The following PCM1 variants were observed in gnomAD, a reference collection of about 807,000 sequenced individuals.
PCM1 encodes pericentriolar material 1 protein.
A neutral mutation model predicts 241.9 loss-of-function variants in PCM1; 157 were observed. The observed-to-expected ratio is 0.65, with a 90% CI of 0.57 to 0.74. The LOEUF is 0.74. Among genes scored for constraint, PCM1 ranks in the 30% least tolerant of loss-of-function variants. PCM1 has a pLI of 0.00. For missense variants in PCM1, 3,478 were observed against 2,360.1 expected (o/e 1.47, Z -9.81); for synonymous variants, 1,085 against 784.9 (o/e 1.38, Z -6.39).
intron 6 of PCM1, among the ~76,000 whole-genome samples, chr8:17,941,420 C>T (rs972478661): frequency 2.0e-5 from 3 of 151,816 alleles, no homozygotes; most frequent in Non-Finnish European, 4.4e-5. Flanking sequence ...ATGGTAATTC[C>T]GCAGGATGTG....
chr8:17,926,230 C>G (rs190779060), intron 2 of PCM1: 21 of 152,178 alleles, frequency 1.4e-4, no homozygotes, highest in African/African-American at 5.1e-4. Context: ...ATTGAGTTAA[C>G]TTAAATTGGA....
Position 17,937,154 on chromosome 8 carries a change from G to C in PCM1, c.117G>C (p.Lys39Asn). ...TAAAGGATTGGGGTGCCCAACAGAA[G>C]AAAGCAAATAGATCATCAGAAAAGA... ...LNNMDWGAQQ[K>N]KANRSSEKNK... The change falls in exon 4 of 39, where the codon AAG becomes AAC. Residue 39 changes from lysine (K) to asparagine (N), a missense_variant. Transcript: ENST00000325083. 3 of 1,568,248 alleles carry C rather than the reference G, an allele frequency of 1.9e-6. No individual in the cohort carries two copies. The highest frequency in any genetic ancestry group is 2.3e-5 in the East Asian group (1 of 43,038).
At position 17,991,561 on chromosome 8, in the gene PCM1, A is replaced by C; in HGVS notation, c.4551A>C (p.Leu1517Phe). 6.2e-7 allele frequency: 1 copy of C among 1,602,352 alleles called. No individual in the cohort carries two copies. The highest frequency in any genetic ancestry group is 1.7e-5 in the Admixed American group (1 of 58,348). Reference protein sequence around the residue: ...TDDLGNTVIHLDQALARMREY... With the variant: ...TDDLGNTVIHFDQALARMREY... ...ATGTAGGTAACACCGTGATTCACTT[A>C]GATCAAGCATTAGCCAGAATGAGAG... The change falls in exon 28 of 39, where the codon TTA becomes TTC. Residue 1517 changes from leucine (L) to phenylalanine (F), a missense_variant. Physicochemically the swap from Leu to Phe is conservative, Grantham distance 22. Coordinates refer to ENST00000325083, the MANE Select transcript of PCM1 (RefSeq NM_006197.4).
intron 7 of PCM1, among the ~76,000 whole-genome samples, chr8:17,948,823 T>C (rs2064894791): frequency 6.6e-6 from 1 of 152,354 alleles, no homozygotes; most frequent in South Asian, 2.1e-4. Context: ...TTTTTCGAGT[T>C]TGGAATATCA....
chr8:17,956,253 A>G (rs2068423472), intron 10 of PCM1, among the ~76,000 whole-genome samples: 2 of 152,220 alleles, frequency 1.3e-5, no homozygotes, highest in Non-Finnish European at 2.9e-5. Context: ...CCTGAGAGGT[A>G]GTATTTAGTA....
At position 17,963,186 on chromosome 8, in the gene PCM1, A is replaced by C. The variant is rs1331657389; in HGVS notation, c.2549A>C (p.His850Pro). Residue 850 changes from histidine (H) to proline (P), a missense_variant, in exon 17 of 39, where the codon CAT (histidine) becomes CCT (proline). By Grantham distance (77) the His-to-Pro change is moderately conservative. Transcript: ENST00000325083. ...CAGCTTGAAGCTCTGATGGCTGAAC[A>C]TCAGAGGAGGCAAGGTCTAGCTGAA... Reference protein sequence around the residue: ...RKQLEALMAEHQRRQGLAETA... With the variant: ...RKQLEALMAEPQRRQGLAETA... 1.2e-6 allele frequency: 2 copies of C among 1,613,702 alleles called. No individual in the cohort carries two copies. Among genetic ancestry groups the C allele is most frequent in the African/African-American group, 1.3e-5 (1 of 74,942 alleles).
At chr8:17,938,514 C>T (rs1368398476) in intron 4 of PCM1, among the ~76,000 whole-genome samples, 1 of 152,122 alleles carries the variant, frequency 6.6e-6, no homozygotes, top group Admixed American at 6.6e-5. Context: ...TCATATTCGT[C>T]AGTTGAATTG....
chr8:18,001,226 TATTA>T (rs1169586172), intron 29 of PCM1, among the ~76,000 whole-genome samples: 1 of 152,222 alleles, frequency 6.6e-6, no homozygotes, highest in Non-Finnish European at 1.5e-5. Context: ...TACAATTTTC[TATTA>T]ATTATTTTTT....
At chr8:17,939,281 G>C (rs2061344504) in intron 5 of PCM1, among the ~76,000 whole-genome samples, 1 of 152,158 alleles carries the variant, frequency 6.6e-6, no homozygotes, top group Non-Finnish European at 1.5e-5. Flanking sequence ...AGGGGGATTG[G>C]AAGGAAAGTG....
intron 8 of PCM1, 129 bp from the exon 9 acceptor site, chr8:17,952,841 C>A (rs1367501839): frequency 9.6e-6 from 6 of 623,588 alleles, no homozygotes; most frequent in Non-Finnish European, 1.6e-5. Flanking sequence ...AGGGTATATA[C>A]TTACCTACCA....
In PCM1 at chr8:17,957,524, T is replaced by C. The variant is rs1364425055; in HGVS notation, c.1805-16T>C. ...CTTTAAAAGTTACTGGTTTTAATTA[T>C]ACATGTTTTCAGCAGATTGTCGATA... On this transcript the variant is annotated splice_polypyrimidine_tract_variant and intron_variant, in intron 12 of 38. Transcript: ENST00000325083. 1.9e-6 allele frequency: 3 copies of C among 1,601,114 alleles called. No homozygotes were observed. The African/African-American group carries it at 4.0e-5, about 21-fold the overall frequency.
At chr8:17,936,548 A>G (rs2060483619) in intron 3 of PCM1, among the ~76,000 whole-genome samples, 2 of 152,190 alleles carry the variant, frequency 1.3e-5, no homozygotes, top group South Asian at 2.1e-4. Flanking sequence ...ATTTTTACCT[A>G]TAAAAATAAT....
chr8:17,962,629 G>A (rs148999312), intron 16 of PCM1, among the ~76,000 whole-genome samples: 55 of 152,056 alleles, frequency 3.6e-4, no homozygotes, highest in Admixed American at 1.2e-3. Context: ...GGCCATGTGC[G>A]GTGACTCACA....
intron 30 of PCM1, among the ~76,000 whole-genome samples, chr8:18,009,122 G>A (rs565943373): frequency 6.6e-6 from 1 of 151,846 alleles, no homozygotes; most frequent in East Asian, 1.9e-4. Context: ...AAATTAGAAT[G>A]GTTGTCTTAA....
At position 17,947,309 on chromosome 8, in the gene PCM1, C is replaced by G; in HGVS notation, c.907C>G (p.Leu303Val). Residue 303 changes from leucine (L) to valine (V), a missense_variant, in exon 7 of 39, where the codon CTT (leucine) becomes GTT (valine). Physicochemically the swap from Leu to Val is conservative, Grantham distance 32. Coordinates refer to ENST00000325083, the MANE Select transcript of PCM1 (RefSeq NM_006197.4). ...AGCTCTACAGGGACGGCAGGCTGCA[C>G]TTCTAGCTCTGCAACATAAAGCAGA... is the stretch of plus-strand genomic sequence containing the variant. ...LRALQGRQAA[L>V]LALQHKAEQA... is the part of the protein sequence containing the mutation. 1 of 1,612,456 alleles carries G rather than the reference C, an allele frequency of 6.2e-7. No individual in the cohort carries two copies. The highest frequency in any genetic ancestry group is 8.5e-7 in the Non-Finnish European group (1 of 1,178,980).
chr8:17,951,931 T>A (rs1333975272), intron 8 of PCM1, among the ~76,000 whole-genome samples: 2 of 151,882 alleles, frequency 1.3e-5, no homozygotes, highest in Non-Finnish European at 2.9e-5. Context: ...TTAAAAAAAA[T>A]TTAAAAAAAG....
chr8:18,022,851 C>T (rs912516210), intron 36 of PCM1, among the ~76,000 whole-genome samples: 1 of 152,128 alleles, frequency 6.6e-6, no homozygotes, highest in African/African-American at 2.4e-5. Context: ...TCAAAGGAAA[C>T]TCTAGAGGCA....
chr8:18,027,389 T>C (rs2094312375), intron 38 of PCM1, among the ~76,000 whole-genome samples: 2 of 152,210 alleles, frequency 1.3e-5, no homozygotes, highest in Admixed American at 6.5e-5. Context: ...TCTATAGTTG[T>C]TTTCTTTTCA....
At chr8:17,941,541 TAAA>T (rs142957683) in intron 6 of PCM1, among the ~76,000 whole-genome samples, 127 of 145,848 alleles carry the variant, frequency 8.7e-4, no homozygotes, top group Non-Finnish European at 1.4e-3. Context: ...TTTTTTTTTT[TAAA>T]AAAAAGGTGG....
Sources: allele counts gnomAD v4.1 joint callset (sites outside exome capture counted in the v4.1 genomes callset), GRCh38; gene constraint gnomAD v4.1.1; transcripts MANE v1.5; gene names NCBI Gene and HGNC (gene_info 2026-07-23, HGNC 2026-07-21).